SART3: variants seen among roughly 807,000 people sequenced by gnomAD.
The protein encoded by SART3 is HIV-1 Tat-interacting protein of 110kDa.
A neutral mutation model predicts 122.3 loss-of-function variants in SART3; 44 were observed. The observed-to-expected ratio is 0.36, with a 90% CI of 0.28 to 0.46. The LOEUF is 0.46. SART3 is among the 20% of genes least tolerant of loss of function. The pLI is 1.00. For synonymous variants in SART3, 442 were observed against 454.0 expected (o/e 0.97, Z 0.34); for missense variants, 1,101 against 1,229.0 (o/e 0.90, Z 1.56).
chr12:108,525,161 G>A (rs565666995), intron 17 of SART3, among the ~76,000 whole-genome samples: 11 of 152,332 alleles, frequency 7.2e-5, no homozygotes, highest in East Asian at 1.9e-4. Context: ...CCCAAAGCCC[G>A]TATGCTGCTG....
chr12:108,530,068 A>G, intron 15 of SART3, 74 bp downstream of exon 15: 1 of 1,540,176 alleles, frequency 6.5e-7, no homozygotes, highest in Non-Finnish European at 9.0e-7. Context: ...CAGGGAAGAA[A>G]GTTCTTCATA....
At chr12:108,533,289 G>C (rs1270575463) in intron 12 of SART3, among the ~76,000 whole-genome samples, 1 of 149,754 alleles carries the variant, frequency 6.7e-6, no homozygotes, top group Non-Finnish European at 1.5e-5. Context: ...GTGGCCCTTA[G>C]CACAAATCAA....
intron 17 of SART3, among the ~76,000 whole-genome samples, chr12:108,525,040 G>A (rs1222512971): frequency 6.6e-6 from 1 of 152,228 alleles, no homozygotes; most frequent in East Asian, 1.9e-4. Flanking sequence ...GGGGCAAGAA[G>A]GAAAGACAGG....
chr12:108,523,455 G>C lies in SART3; in HGVS notation c.*2C>G, dbSNP rs931789033. The C allele has an allele frequency of 6.2e-7, 1 of 1,612,204 alleles. No individual in the cohort carries two copies. Among genetic ancestry groups the C allele is most frequent in the Admixed American group, 1.7e-5 (1 of 60,020 alleles). ...GGCATTTCCTGTCTCCCAGCGTCCC[G>C]TTCACTTTCTCAGAAACAGCTTGGC... On this transcript the variant is annotated 3_prime_UTR_variant, in exon 19 of 19. Coordinates refer to ENST00000546815, the MANE Select transcript of SART3 (RefSeq NM_014706.4).
At chr12:108,529,305 A>G (rs1347575331) in intron 15 of SART3, among the ~76,000 whole-genome samples, 8 of 151,832 alleles carry the variant, frequency 5.3e-5, no homozygotes, top group Admixed American at 3.3e-4. Context: ...ACGCACACGC[A>G]CACACACACA....
rs1215174443 is a variant in SART3, at chr12:108,537,543, C to T, written c.1254G>A (p.Val418=). 6.2e-7 allele frequency: 1 copy of T among 1,614,106 alleles called. No individual in the cohort carries two copies. The highest frequency in any genetic ancestry group is 2.2e-5 in the East Asian group (1 of 44,868). ...AATCAAGGTATGCCTGCCAAATCTCCACATAATCAGTGGCCTGGATGAAGC... is the reference window on the plus strand; with the variant it reads ...AATCAAGGTATGCCTGCCAAATCTCTACATAATCAGTGGCCTGGATGAAGC... ...NAGFIQATDY[V]EIWQAYLDYL... Residue 418 remains valine, a synonymous_variant, in exon 9 of 19, where the codon GTG becomes GTA. Coordinates refer to ENST00000546815, the MANE Select transcript of SART3 (RefSeq NM_014706.4).
At chr12:108,550,368 G>T (rs889931706) in intron 1 of SART3, among the ~76,000 whole-genome samples, 3 of 152,124 alleles carry the variant, frequency 2.0e-5, no homozygotes, top group Non-Finnish European at 4.4e-5. Flanking sequence ...ATATGTAATG[G>T]AACAAACATT....
chr12:108,529,611 C>T (rs1872555939), intron 15 of SART3, among the ~76,000 whole-genome samples: 1 of 152,202 alleles, frequency 6.6e-6, no homozygotes, highest in African/African-American at 2.4e-5. Flanking sequence ...AAAGGGTCAT[C>T]ACCAGTGATG....
At position 108,522,421 on chromosome 12, in the gene SART3, C is replaced by T. The variant is rs1235985197; in HGVS notation, c.*1036G>A. ...GAGTGTCTTAATAAAGCAAGCTTCC[C>T]CTACTGAACTGGCCAATGCTGTTGC... On this transcript the variant is annotated 3_prime_UTR_variant, in exon 19 of 19. Coordinates refer to ENST00000546815, the MANE Select transcript of SART3 (RefSeq NM_014706.4). 2.6e-5 allele frequency among the ~76,000 whole-genome samples: 4 copies of T among 152,164 alleles called. No homozygotes were observed. The East Asian group carries it at 7.7e-4, about 29-fold the overall frequency.
At chr12:108,524,849 C>T in intron 17 of SART3, 1 of 383,106 alleles carries the variant, frequency 2.6e-6, no homozygotes, top group East Asian at 6.2e-5. Context: ...GACACAGGGC[C>T]AGCAGCCCAG....
At chr12:108,533,661 A>T (rs898465257) in intron 12 of SART3, among the ~76,000 whole-genome samples, 5 of 152,238 alleles carry the variant, frequency 3.3e-5, no homozygotes, top group African/African-American at 1.2e-4. Flanking sequence ...CACAAGTCTG[A>T]CAGCTTCCTA....
At chr12:108,524,038 T>G in intron 18 of SART3, 1 of 564,074 alleles carries the variant, frequency 1.8e-6, no homozygotes. Flanking sequence ...CAGATCCAAC[T>G]GGCAAAGGGG....
At chr12:108,557,348 G>A (rs1317232137) in intron 1 of SART3, among the ~76,000 whole-genome samples, 1 of 151,388 alleles carries the variant, frequency 6.6e-6, no homozygotes, top group African/African-American at 2.4e-5. Flanking sequence ...CGAGTAGCTG[G>A]GATTAACAAC....
rs774589775 is a variant in SART3 at position 108,536,754 on chromosome 12, G to A, written c.1341C>T (p.Ala447=). The change falls in exon 10 of 19, where the codon GCC becomes GCT. Residue 447 remains alanine (A), a synonymous_variant. Coordinates refer to ENST00000546815, the MANE Select transcript of SART3 (RefSeq NM_014706.4). ...DSSKELEELR[A]AFTRALEYLK... ...GATACTCCAAGGCACGAGTAAAGGCGGCCCTCAACTCCTCCAGCTCTTTAC... is the reference window on the plus strand; with the variant it reads ...GATACTCCAAGGCACGAGTAAAGGCAGCCCTCAACTCCTCCAGCTCTTTAC... The A allele has an allele frequency of 8.1e-6, 13 of 1,613,758 alleles. No homozygotes were observed. The highest frequency in any genetic ancestry group is 2.2e-5 in the South Asian group (2 of 91,060).
chr12:108,525,626 G>T lies in SART3; in HGVS notation c.2371-17C>A, dbSNP rs773744472. ...CCTGAACACCTATAGGAAGAAGGAA[G>T]ACAGAGAAAAACCATGATTCGAGGC... On this transcript the variant is annotated splice_polypyrimidine_tract_variant and intron_variant, in intron 16 of 18. Coordinates refer to ENST00000546815, the MANE Select transcript of SART3 (RefSeq NM_014706.4). The T allele has an allele frequency of 6.2e-7, 1 of 1,613,648 alleles. No homozygotes were observed. Among genetic ancestry groups the T allele is most frequent in the South Asian group, 1.1e-5 (1 of 91,078 alleles).
chr12:108,553,335 T>C (rs532279806), intron 1 of SART3, among the ~76,000 whole-genome samples: 1 of 152,246 alleles, frequency 6.6e-6, no homozygotes, highest in African/African-American at 2.4e-5. Context: ...TTACATATTA[T>C]AGTTCCTCAA....
Position 108,537,554 on chromosome 12 carries a change from T to C in SART3, c.1243A>G (p.Thr415Ala). ...GCCTGCCAAATCTCCACATAATCAG[T>C]GGCCTGGATGAAGCCGGCATTCAAA... ...KALNAGFIQA[T>A]DYVEIWQAYL... The change falls in exon 9 of 19, where the codon ACT (threonine) becomes GCT (alanine). Residue 415 changes from threonine (T) to alanine (A), a missense_variant. Around this residue, in one of 2 missense-constraint regions of SART3, gnomAD observed 885 missense variants for 1,080.1 expected, o/e 0.82. Coordinates refer to ENST00000546815, the MANE Select transcript of SART3 (RefSeq NM_014706.4). The C allele has an allele frequency of 6.2e-7, 1 of 1,614,122 alleles. No individual in the cohort carries two copies. The highest frequency in any genetic ancestry group is 8.5e-7 in the Non-Finnish European group (1 of 1,179,968).
At chr12:108,537,882 G>A (rs1185073342) in intron 8 of SART3, among the ~76,000 whole-genome samples, 183 bp downstream of exon 8, 1 of 152,190 alleles carries the variant, frequency 6.6e-6, no homozygotes, top group African/African-American at 2.4e-5. Flanking sequence ...ATATTAGCAT[G>A]TTAAAAAGCT....
chr12:108,537,409 C>A, intron 9 of SART3, 79 bp downstream of exon 9: 1 of 1,042,604 alleles, frequency 9.6e-7, no homozygotes, highest in Non-Finnish European at 1.5e-6. Flanking sequence ...CACAATGTAT[C>A]TGGGGAACTG....
Sources: gnomAD v4.1 joint callset for allele counts (sites outside exome capture counted in the v4.1 genomes callset) on GRCh38, gnomAD v4.1.1 for gene constraint, gnomAD v4.1.1 regional missense constraint, MANE v1.5 for transcripts, NCBI Gene and HGNC (gene_info 2026-07-23, HGNC 2026-07-21) for gene names.